The following TRIM22 variants were observed in gnomAD, a reference collection of about 807,000 sequenced individuals.
The protein encoded by TRIM22 is E3 ubiquitin-protein ligase TRIM22.
A neutral mutation model predicts 53.6 loss-of-function variants in TRIM22; 45 were observed. The observed-to-expected ratio is 0.84, with a 90% confidence interval of 0.66 to 1.08. The LOEUF (loss-of-function observed/expected upper bound fraction) is 1.08, where lower values mean the gene tolerates loss of function less well. Ranked by LOEUF, TRIM22 falls within the 50% of genes least tolerant of loss-of-function variation. The pLI, the probability that TRIM22 is intolerant of heterozygous loss-of-function variation, is 0.00. For synonymous variants in TRIM22, 225 were observed against 216.6 expected, an observed-to-expected ratio of 1.04 and a Z score of -0.34; for missense variants, 616 against 590.9, an observed-to-expected ratio of 1.04 and a Z score of -0.44.
chr11:5,709,929 C>T lies in TRIM22; in HGVS notation c.*281C>T. 1 of 393,736 alleles carries T rather than the reference C, an allele frequency of 2.5e-6. No individual in the cohort carries two copies. Among genetic ancestry groups the T allele is most frequent in the South Asian group, 5.0e-5 (1 of 20,054 alleles). 24.4% of individuals were successfully genotyped at this position (393,736 alleles called of 1,614,324 possible). A position where few individuals can be genotyped will look rare whatever the true frequency, so the allele number is the denominator to read the frequency against. On this transcript the variant is annotated 3_prime_UTR_variant, in exon 8 of 8. Coordinates refer to ENST00000379965, the MANE Select transcript of TRIM22 (RefSeq NM_006074.5). ...CTGCAAGGAAGGGCTCTGTTCCATG[C>T]CTCTCTCCTTGGCTTGTAGAAGGCA...
At chr11:5,698,577 G>A (rs761339435) in intron 4 of TRIM22, 32 bp downstream of exon 4, 5 of 1,553,854 alleles carry the variant, frequency 3.2e-6, no homozygotes, top group Admixed American at 1.8e-5. Context: ...CTACGTAAGA[G>A]ATTAGGGGAA....
intron 2 of TRIM22, 101 bp downstream of exon 2, chr11:5,696,756 A>G: frequency 1.6e-6 from 2 of 1,251,766 alleles, no homozygotes; most frequent in Non-Finnish European, 2.2e-6. Flanking sequence ...TTGTCACCAT[A>G]GAACGGAGAG....
chr11:5,702,100 A>C (rs1853381736), intron 4 of TRIM22, among the ~76,000 whole-genome samples: 1 of 146,976 alleles, frequency 6.8e-6, no homozygotes, highest in Admixed American at 6.9e-5. Flanking sequence ...GTTATATATA[A>C]TATACATAAC....
chr11:5,705,706 G>A (rs1328003687), intron 4 of TRIM22, among the ~76,000 whole-genome samples: 1 of 152,136 alleles, frequency 6.6e-6, no homozygotes, highest in Non-Finnish European at 1.5e-5. Context: ...AGTTAAAAAT[G>A]TAAACTAGTC....
At chr11:5,698,719 T>C (rs1413328449) in intron 4 of TRIM22, among the ~76,000 whole-genome samples, 174 bp downstream of exon 4, 2 of 152,184 alleles carry the variant, frequency 1.3e-5, no homozygotes, top group Non-Finnish European at 2.9e-5. Flanking sequence ...GATCATTAAG[T>C]GTATGAATGG....
At chr11:5,706,497 A>T (rs548305729) in intron 4 of TRIM22, 97 bp from the exon 5 acceptor site, 3 of 1,113,088 alleles carry the variant, frequency 2.7e-6, no homozygotes. Flanking sequence ...TATAACAAAA[A>T]ATATATTGTT....
intron 4 of TRIM22, among the ~76,000 whole-genome samples, chr11:5,703,392 C>T (rs202235247): frequency 0.16 from 22,754 of 145,202 alleles, 2,309 homozygotes; most frequent in African/African-American, 0.28. Context: ...CTTTTTTTTT[C>T]TTTTTTTTTT....
chr11:5,705,128 G>C (rs762024857), intron 4 of TRIM22, among the ~76,000 whole-genome samples: 1 of 152,278 alleles, frequency 6.6e-6, no homozygotes, highest in South Asian at 2.1e-4. Context: ...ATGTTACTCA[G>C]TTCTGGCAAA....
chr11:5,700,076 G>T (rs1228189684), intron 4 of TRIM22, among the ~76,000 whole-genome samples: 1 of 150,234 alleles, frequency 6.7e-6, no homozygotes. Flanking sequence ...TGTCATCTGA[G>T]AATAAAGTTA....
intron 4 of TRIM22, among the ~76,000 whole-genome samples, chr11:5,703,174 G>C (rs1286695665): frequency 6.6e-6 from 1 of 152,140 alleles, no homozygotes; most frequent in Non-Finnish European, 1.5e-5. Flanking sequence ...TACCCAATCA[G>C]TAGTTTTTCA....
chr11:5,709,734 C>A lies in TRIM22; in HGVS notation c.*86C>A. 1 of 1,147,690 alleles carries A rather than the reference C, an allele frequency of 8.7e-7. No individual in the cohort carries two copies. The highest frequency in any genetic ancestry group is 2.2e-5 in the Admixed American group (1 of 44,708). The allele number at this position is 1,147,690 out of a possible 1,614,324, so 71.1% of individuals were successfully genotyped here. ...CACCTGAGTTCATCTCTACTGAGAC[C>A]ATCTCTTCCTTTCTTTCCCCTTCTT... On this transcript the variant is annotated 3_prime_UTR_variant, in exon 8 of 8. Transcript: ENST00000379965.
chr11:5,701,819 G>A (rs932026875), intron 4 of TRIM22, among the ~76,000 whole-genome samples: 3 of 152,110 alleles, frequency 2.0e-5, no homozygotes, highest in Non-Finnish European at 4.4e-5. Context: ...CTCAAGAACT[G>A]TGAGAGACTA....
chr11:5,703,562 T>A (rs10769185), intron 4 of TRIM22, among the ~76,000 whole-genome samples: 86,793 of 151,550 alleles, frequency 0.57, 25,030 homozygotes, highest in Admixed American at 0.62. Context: ...ATTTTTTGTA[T>A]TTTTAGTAGA....
intron 4 of TRIM22, among the ~76,000 whole-genome samples, chr11:5,701,584 G>A (rs935557125): frequency 3.9e-5 from 6 of 152,122 alleles, no homozygotes; most frequent in Admixed American, 2.0e-4. Context: ...TTGCTATATA[G>A]TGTGCTGTTC....
chr11:5,696,682 A>C (rs1168059999), intron 2 of TRIM22, 27 bp downstream of exon 2: 5 of 1,581,512 alleles, frequency 3.2e-6, no homozygotes, highest in South Asian at 1.2e-5. Context: ...AGGAAGAGAG[A>C]GCAGAGAGCA....
At chr11:5,693,472 G>A (rs1234836440) in intron 1 of TRIM22, among the ~76,000 whole-genome samples, 2 of 151,838 alleles carry the variant, frequency 1.3e-5, no homozygotes, top group Non-Finnish European at 2.9e-5. Context: ...AGTAATCCCA[G>A]CACTTTGGGA....
At chr11:5,692,118 A>T (rs77882275) in intron 1 of TRIM22, among the ~76,000 whole-genome samples, 1 of 152,202 alleles carries the variant, frequency 6.6e-6, no homozygotes, top group East Asian at 1.9e-4. Context: ...GTAAACACGC[A>T]GTCAAAAAAA....
intron 4 of TRIM22, among the ~76,000 whole-genome samples, chr11:5,700,541 T>A (rs2134177969): frequency 6.6e-6 from 1 of 150,612 alleles, no homozygotes; most frequent in Admixed American, 6.6e-5. Context: ...AGGGGGAAAG[T>A]ACTCAGTCTC....
At position 5,698,527 on chromosome 11, in the gene TRIM22, G is replaced by A. The variant is rs540227435; in HGVS notation, c.732G>A (p.Ser244=). 65 of 1,613,182 alleles carry A rather than the reference G, an allele frequency of 4.0e-5. 1 individual carries two copies. Among genetic ancestry groups the A allele is most frequent in the South Asian group, 1.9e-4 (17 of 91,006 alleles). The change falls in exon 4 of 8, where the codon TCG becomes TCA. Residue 244 remains serine (S), a synonymous_variant. Transcript: ENST00000379965. The part of the protein sequence containing the change: ...ISDLQRRLRG[S]SVEMLQDVID... ...ATCTCCAGCGGAGGTTGAGGGGATC[G>A]TCAGTAGAGATGCTGCAGGTAAGAC...
Sources: gnomAD v4.1 joint callset for allele counts (sites outside exome capture counted in the v4.1 genomes callset) on GRCh38, gnomAD v4.1.1 for gene constraint, MANE v1.5 for transcripts, NCBI Gene and HGNC (gene_info 2026-07-23, HGNC 2026-07-21) for gene names.